Variants in AKT3 observed in about 807,000 individuals in gnomAD.
The protein encoded by AKT3 is RAC-gamma serine/threonine-protein kinase.
Under a neutral mutation model 65.3 loss-of-function variants are expected in AKT3, and 15 were observed. The observed-to-expected ratio is 0.23, with a 90% CI of 0.15 to 0.35. The LOEUF (loss-of-function observed/expected upper bound fraction) is 0.35, where lower values mean the gene tolerates loss of function less well. Ranked by LOEUF, AKT3 falls within the 10% of genes least tolerant of loss-of-function variation. The pLI, the probability that AKT3 is intolerant of heterozygous loss-of-function variation, is 1.00. For synonymous variants in AKT3, 206 were observed against 183.8 expected (o/e 1.12, Z -0.98); for missense variants, 243 against 576.5 (o/e 0.42, Z 5.92).
intron 4 of AKT3, among the ~76,000 whole-genome samples, chr1:243,652,251 T>C (rs1236352265): frequency 2.6e-5 from 4 of 152,026 alleles, no homozygotes; most frequent in African/African-American, 7.2e-5. Context: ...GGTTTTGCCA[T>C]GTTGGCCAGG....
At chr1:243,776,318 A>G (rs1207272047) in intron 2 of AKT3, among the ~76,000 whole-genome samples, 1 of 152,164 alleles carries the variant, frequency 6.6e-6, no homozygotes, top group Non-Finnish European at 1.5e-5. Flanking sequence ...TGTCTCCACT[A>G]AAGACTGTAA....
intron 6 of AKT3, among the ~76,000 whole-genome samples, chr1:243,615,779 T>C (rs1214414187): frequency 6.6e-6 from 1 of 152,090 alleles, no homozygotes; most frequent in Non-Finnish European, 1.5e-5. Flanking sequence ...TTGCCCAGGA[T>C]AGAGTACAGT....
At chr1:243,783,436 T>A (rs1691037412) in intron 2 of AKT3, among the ~76,000 whole-genome samples, 1 of 152,222 alleles carries the variant, frequency 6.6e-6, no homozygotes, top group Non-Finnish European at 1.5e-5. Flanking sequence ...GAAGCTTCTG[T>A]GCTCAGGCCC....
At chr1:243,804,102 T>C (rs948471515) in intron 2 of AKT3, among the ~76,000 whole-genome samples, 3 of 152,216 alleles carry the variant, frequency 2.0e-5, no homozygotes, top group African/African-American at 7.2e-5. Context: ...TCAGTCCATC[T>C]TGGACTCCCA....
At chr1:243,577,607 G>A (rs943020288) in intron 8 of AKT3, among the ~76,000 whole-genome samples, 1 of 152,072 alleles carries the variant, frequency 6.6e-6, no homozygotes, top group Non-Finnish European at 1.5e-5. Context: ...TAAAATCTAG[G>A]CAATACCATT....
chr1:243,668,898 G>A lies in AKT3; in HGVS notation c.173-4015C>T, dbSNP rs574987704. ...CAATGAAAAGGTGGTAGAATCAATAGGTCATAAAATCTATTATATCACAAT... is the reference window on the plus strand; with the variant it reads ...CAATGAAAAGGTGGTAGAATCAATAAGTCATAAAATCTATTATATCACAAT... On this transcript the variant is annotated intron_variant, in intron 3 of 13. Coordinates refer to ENST00000673466, the MANE Select transcript of AKT3 (RefSeq NM_005465.7). Among the ~76,000 whole-genome samples, 15 of 152,160 alleles carry A rather than the reference G, an allele frequency of 9.9e-5. No homozygotes were observed. The East Asian group carries it at 2.9e-3, about 29-fold the overall frequency.
chr1:243,759,106 G>C (rs191385359), intron 2 of AKT3, among the ~76,000 whole-genome samples: 1 of 152,146 alleles, frequency 6.6e-6, no homozygotes, highest in Non-Finnish European at 1.5e-5. Flanking sequence ...TTGGGTCCAG[G>C]AGTTCAAGAC....
chr1:243,621,792 A>G (rs1376326867), intron 6 of AKT3, among the ~76,000 whole-genome samples: 1 of 152,204 alleles, frequency 6.6e-6, no homozygotes, highest in East Asian at 1.9e-4. Flanking sequence ...AAACATCTTA[A>G]CAATGATCTC....
chr1:243,843,422 T>C, intron 1 of AKT3, 140 bp from the exon 2 acceptor site: 3 of 1,107,516 alleles, frequency 2.7e-6, no homozygotes, highest in South Asian at 8.5e-5. Context: ...GGGGAACTTA[T>C]TTATTAAATA....
chr1:243,671,244 A>AT (rs1268034262), intron 3 of AKT3, among the ~76,000 whole-genome samples: 3 of 151,898 alleles, frequency 2.0e-5, no homozygotes, highest in South Asian at 2.1e-4. Flanking sequence ...CATCCAGCTA[A>AT]TTTTTTTGTA....
At chr1:243,530,618 G>A (rs1671458880) in intron 12 of AKT3, among the ~76,000 whole-genome samples, 1 of 152,132 alleles carries the variant, frequency 6.6e-6, no homozygotes, top group African/African-American at 2.4e-5. Context: ...AAGAGCTAGA[G>A]AAACAAGAGC....
chr1:243,579,761 T>C (rs1558629585), intron 8 of AKT3, among the ~76,000 whole-genome samples: 1 of 152,040 alleles, frequency 6.6e-6, no homozygotes, highest in Non-Finnish European at 1.5e-5. Flanking sequence ...AAAGAAATAA[T>C]GAAGCAAGGA....
At chr1:243,813,569 T>C (rs1693322953) in intron 2 of AKT3, among the ~76,000 whole-genome samples, 1 of 152,152 alleles carries the variant, frequency 6.6e-6, no homozygotes, top group Admixed American at 6.6e-5. Flanking sequence ...TAGATTTTTA[T>C]TTTCTAGAAT....
chr1:243,778,369 T>C (rs1690688151), intron 2 of AKT3, among the ~76,000 whole-genome samples: 3 of 152,114 alleles, frequency 2.0e-5, no homozygotes, highest in African/African-American at 7.2e-5. Flanking sequence ...CTTGCAAAGG[T>C]TGAGGCCAGC....
chr1:243,751,900 C>G (rs1176093544), intron 2 of AKT3, among the ~76,000 whole-genome samples: 3 of 152,174 alleles, frequency 2.0e-5, no homozygotes, highest in Non-Finnish European at 4.4e-5. Flanking sequence ...CTACAACTAT[C>G]TAGGACCATT....
At chr1:243,497,343 G>GT (rs1158343449), downstream of AKT3, among the ~76,000 whole-genome samples, 1 of 146,380 alleles carries the variant, frequency 6.8e-6, no homozygotes, top group Non-Finnish European at 1.5e-5. Flanking sequence ...CGGGTGGGGG[G>GT]GGGGGCGTTG....
chr1:243,720,712 A>G (rs1028833231), intron 2 of AKT3, among the ~76,000 whole-genome samples: 4 of 152,182 alleles, frequency 2.6e-5, no homozygotes, highest in South Asian at 2.1e-4. Context: ...TATAAAGTAG[A>G]TAAATATTAA....
At chr1:243,779,601 A>G (rs762750887) in intron 2 of AKT3, among the ~76,000 whole-genome samples, 2 of 152,156 alleles carry the variant, frequency 1.3e-5, no homozygotes, top group Non-Finnish European at 2.9e-5. Context: ...TAAATGATTA[A>G]AACAGTACGG....
At chr1:243,727,348 C>A (rs150607221) in intron 2 of AKT3, among the ~76,000 whole-genome samples, 1 of 152,046 alleles carries the variant, frequency 6.6e-6, no homozygotes, top group Non-Finnish European at 1.5e-5. Context: ...GGCTGGAGTG[C>A]GATGGTACAA....
Sources: gnomAD v4.1 joint callset for allele counts (sites outside exome capture counted in the v4.1 genomes callset) on GRCh38, gnomAD v4.1.1 for gene constraint, MANE v1.5 for transcripts, NCBI Gene and HGNC (gene_info 2026-07-23, HGNC 2026-07-21) for gene names.